The following STRBP variants were observed in gnomAD, a reference collection of about 807,000 sequenced individuals.
STRBP encodes spermatid perinuclear RNA-binding protein.
Under a neutral mutation model 80.1 loss-of-function variants are expected in STRBP, and 13 were observed. The ratio of observed to expected loss-of-function variants is 0.16; its 90% CI spans 0.11 to 0.26. The LOEUF is 0.26. Ranked by LOEUF, STRBP falls within the 10% of genes least tolerant of loss-of-function variation. The pLI is 1.00. For synonymous variants in STRBP, 284 were observed against 291.2 expected (o/e 0.98, Z 0.25); for missense variants, 485 against 815.2 (o/e 0.59, Z 4.93).
intron 2 of STRBP, among the ~76,000 whole-genome samples, chr9:123,214,452 A>C (rs1166881077): frequency 6.6e-6 from 1 of 152,162 alleles, no homozygotes; most frequent in East Asian, 1.9e-4. Flanking sequence ...TAAAGAATTT[A>C]CTCATATATC....
chr9:123,240,017 AT>A (rs2040659648), intron 1 of STRBP, among the ~76,000 whole-genome samples: 1 of 152,226 alleles, frequency 6.6e-6, no homozygotes, highest in African/African-American at 2.4e-5. Context: ...GACCAAAAAA[AT>A]AAGCCCATTT....
In STRBP at chr9:123,121,963, A is replaced by T. The variant is rs1340071023; in HGVS notation, c.*3634T>A. 1 of 169,844 alleles carries T rather than the reference A, an allele frequency of 5.9e-6. No individual in the cohort carries two copies. The highest frequency in any genetic ancestry group is 1.3e-5 in the Non-Finnish European group (1 of 79,526). 10.5% of individuals were successfully genotyped at this position (169,844 alleles called of 1,614,324 possible). ...CCTAAGTTTCTACACACACACACAC[A>T]CACACACACACTTAGTGTAAGTGAA... is the stretch of plus-strand genomic sequence containing the variant. On this transcript the variant is annotated 3_prime_UTR_variant, in exon 19 of 19. Coordinates refer to ENST00000348403, the MANE Select transcript of STRBP (RefSeq NM_018387.5).
At chr9:123,112,589 G>T (rs1182219646) in intron 3 of STRBP, 1 of 167,440 alleles carries the variant, frequency 6.0e-6, no homozygotes, top group Non-Finnish European at 1.5e-5. Flanking sequence ...AGCAGAAAGC[G>T]CTACAAACAC....
intron 2 of STRBP, among the ~76,000 whole-genome samples, chr9:123,206,020 A>AATAG (rs1381849336): frequency 6.6e-6 from 1 of 152,228 alleles, no homozygotes; most frequent in Non-Finnish European, 1.5e-5. Context: ...GTATAAAAGC[A>AATAG]ATAGATTGGG....
downstream of STRBP, among the ~76,000 whole-genome samples, chr9:123,116,941 A>C (rs2035655499): frequency 1.3e-5 from 2 of 152,212 alleles, no homozygotes; most frequent in Non-Finnish European, 1.5e-5. Context: ...AAACAGTCTT[A>C]AGAAATGTTA....
At chr9:123,233,385 T>C (rs1469905589) in intron 2 of STRBP, among the ~76,000 whole-genome samples, 3 of 152,186 alleles carry the variant, frequency 2.0e-5, no homozygotes, top group Non-Finnish European at 4.4e-5. Context: ...CTTATGTATA[T>C]AAATTTGAAC....
intron 6 of STRBP, among the ~76,000 whole-genome samples, chr9:123,168,478 CACTTTT>C (rs1310086620): frequency 2.0e-5 from 3 of 152,164 alleles, no homozygotes; most frequent in Admixed American, 2.0e-4. Flanking sequence ...AAGAGTCTAT[CACTTTT>C]ACTTTAAGTG....
chr9:123,177,292 C>G (rs372734329), intron 4 of STRBP, among the ~76,000 whole-genome samples: 2 of 152,276 alleles, frequency 1.3e-5, no homozygotes, highest in East Asian at 1.9e-4. Flanking sequence ...CCAGGCCTGG[C>G]ATGGTGGCTC....
chr9:123,122,154 G>T lies in STRBP; in HGVS notation c.*3443C>A, dbSNP rs1013409843. The T allele has an allele frequency of 1.8e-5, 6 of 328,206 alleles. No homozygotes were observed. The highest frequency in any genetic ancestry group is 3.5e-5 in the South Asian group (1 of 28,496). 20.3% of individuals were successfully genotyped at this position (328,206 alleles called of 1,614,324 possible). Reference sequence around the variant, plus strand: ...GTCATATATGCATGTTGTCTTAATTGACTATTTTTCTCTTTAATCAGAAAA... The same window carrying T: ...GTCATATATGCATGTTGTCTTAATTTACTATTTTTCTCTTTAATCAGAAAA... On this transcript the variant is annotated 3_prime_UTR_variant, in exon 19 of 19. Transcript: ENST00000348403.
At position 123,158,022 on chromosome 9, in the gene STRBP, A is replaced by G; in HGVS notation, c.1035T>C (p.Thr345=). The change falls in exon 11 of 19, where the codon ACT becomes ACC. Residue 345 remains threonine, a synonymous_variant. Transcript: ENST00000348403. ...KPFQKYSWSV[T]DKEGAGSSAL... ...AACTTCCATGCTCACCTTCTTTATC[A>G]GTAACTGACCAGGAATACTTCTGAA... The G allele has an allele frequency of 6.2e-7, 1 of 1,610,566 alleles. No homozygotes were observed. Among genetic ancestry groups the G allele is most frequent in the Non-Finnish European group, 8.5e-7 (1 of 1,178,454 alleles).
intron 2 of STRBP, among the ~76,000 whole-genome samples, chr9:123,219,296 C>G (rs766566654): frequency 1.3e-5 from 2 of 152,142 alleles, no homozygotes; most frequent in Non-Finnish European, 2.9e-5. Context: ...CACGTAACTT[C>G]CCCCGACCCA....
chr9:123,125,552 G>A lies in STRBP; in HGVS notation c.*45C>T, dbSNP rs769629187. On this transcript the variant is annotated 3_prime_UTR_variant, in exon 19 of 19. Coordinates refer to ENST00000348403, the MANE Select transcript of STRBP (RefSeq NM_018387.5). ...AAAGGCTTTTTCTCTAACATTCTGT[G>A]TTGTACTGTATTGTTGTTCAATAGG... 3.2e-6 allele frequency: 5 copies of A among 1,585,280 alleles called. No homozygotes were observed. The highest frequency in any genetic ancestry group is 4.3e-6 in the Non-Finnish European group (5 of 1,168,326).
chr9:123,213,770 C>T (rs2039794082), intron 2 of STRBP: 1 of 151,894 alleles, frequency 6.6e-6, no homozygotes, highest in African/African-American at 2.4e-5. Context: ...ACTAAAAATA[C>T]AAAAATTAGC....
chr9:123,261,181 T>C (rs2041153611), intron 1 of STRBP, among the ~76,000 whole-genome samples: 1 of 152,176 alleles, frequency 6.6e-6, no homozygotes, highest in African/African-American at 2.4e-5. Flanking sequence ...GCCAGTACTT[T>C]TTCTCAGATT....
Position 123,122,564 on chromosome 9 carries a change from C to T in STRBP, c.*3033G>A. The T allele has an allele frequency of 8.8e-7, 1 of 1,130,052 alleles. No individual in the cohort carries two copies. The highest frequency in any genetic ancestry group is 1.1e-6 in the Non-Finnish European group (1 of 914,308). 70.0% of individuals were successfully genotyped at this position (1,130,052 alleles called of 1,614,324 possible). A position where few individuals can be genotyped will look rare whatever the true frequency, so the allele number is the denominator to read the frequency against. ...ACTATATAAACTCAACTCCTTACTT[C>T]ACCACCCATGCACTTCATCTAGTCA... is the stretch of plus-strand genomic sequence containing the variant. On this transcript the variant is annotated 3_prime_UTR_variant, in exon 19 of 19. Transcript: ENST00000348403.
chr9:123,225,720 G>C lies in STRBP; in HGVS notation c.-165+11110C>G, dbSNP rs764581532. Among the ~76,000 whole-genome samples, 111 of 152,104 alleles carry C rather than the reference G, an allele frequency of 7.3e-4. 1 individual carries two copies. Among genetic ancestry groups the C allele is most frequent in the Admixed American group, 3.9e-4 (6 of 15,260 alleles). ...GTCTGTGCCTAGAATCTTGTTCCTG[G>C]ATGCTAACTTCTCAGCCTATTTCTC... On this transcript the variant is annotated intron_variant, in intron 2 of 18. Coordinates refer to ENST00000348403, the MANE Select transcript of STRBP (RefSeq NM_018387.5).
intron 1 of STRBP, among the ~76,000 whole-genome samples, chr9:123,260,466 A>G (rs946619819): frequency 2.0e-5 from 3 of 152,234 alleles, no homozygotes; most frequent in Admixed American, 6.5e-5. Context: ...ATGAGGCATT[A>G]TCTTTATGTT....
chr9:123,116,433 C>G (rs1046658526), intron 2 of STRBP, among the ~76,000 whole-genome samples: 3 of 152,178 alleles, frequency 2.0e-5, no homozygotes, highest in African/African-American at 7.2e-5. Flanking sequence ...TAGAAATTAA[C>G]CCCAACTGTG....
At chr9:123,162,153 A>G (rs1258061752) in intron 6 of STRBP, among the ~76,000 whole-genome samples, 3 of 152,344 alleles carry the variant, frequency 2.0e-5, no homozygotes, top group South Asian at 2.1e-4. Flanking sequence ...GGGAGACAAT[A>G]ACAAAGATAC....
Sources: gnomAD v4.1 joint callset for allele counts (sites outside exome capture counted in the v4.1 genomes callset) on GRCh38, gnomAD v4.1.1 for gene constraint, MANE v1.5 for transcripts, NCBI Gene and HGNC (gene_info 2026-07-23, HGNC 2026-07-21) for gene names.